Variants in ANKRD66 observed in about 807,000 individuals in gnomAD.
The protein encoded by ANKRD66 is ankyrin repeat domain-containing protein 66.
Under a neutral mutation model 10.9 loss-of-function variants are expected in ANKRD66, and 10 were observed. The ratio of observed to expected loss-of-function variants is 0.91; its 90% CI spans 0.56 to 1.55. The LOEUF (loss-of-function observed/expected upper bound fraction) is 1.55, where lower values mean the gene tolerates loss of function less well. Among genes scored for constraint, ANKRD66 ranks in the 40% most tolerant of loss-of-function variants. The pLI is 0.00. For missense variants in ANKRD66, 252 were observed against 242.9 expected (o/e 1.04, Z -0.25); for synonymous variants, 85 against 88.4 (o/e 0.96, Z 0.22).
At chr6:46,753,338 A>T (rs1766308223) in intron 3 of ANKRD66, among the ~76,000 whole-genome samples, 1 of 152,188 alleles carries the variant, frequency 6.6e-6, no homozygotes, top group Non-Finnish European at 1.5e-5. Context: ...AGGACTTAAA[A>T]TATTTGGTTT....
chr6:46,747,118 C>T (rs1766161004), intron 1 of ANKRD66, 128 bp downstream of exon 1: 2 of 828,834 alleles, frequency 2.4e-6, no homozygotes, highest in Admixed American at 6.2e-5. Context: ...GTGCCTCTAC[C>T]AGAAAGATAG....
chr6:46,752,250 T>G (rs571613055), intron 3 of ANKRD66, 139 bp downstream of exon 3: 263 of 1,069,098 alleles, frequency 2.5e-4, no homozygotes, highest in Admixed American at 2.9e-4. Context: ...TTTTTCTTTT[T>G]TTGAGACAGA....
At chr6:46,748,261 T>A (rs916047385) in intron 1 of ANKRD66, among the ~76,000 whole-genome samples, 2 of 152,224 alleles carry the variant, frequency 1.3e-5, no homozygotes, top group African/African-American at 4.8e-5. Context: ...TCCATATGAT[T>A]TTTTAGAATC....
intron 4 of ANKRD66, among the ~76,000 whole-genome samples, chr6:46,755,269 G>T (rs1766360839): frequency 6.6e-6 from 1 of 152,162 alleles, no homozygotes; most frequent in African/African-American, 2.4e-5. Context: ...TGTTCAGCTA[G>T]AGAAAATCCC....
At chr6:46,747,016 T>G in intron 1 of ANKRD66, 26 bp downstream of exon 1, 1 of 1,531,772 alleles carries the variant, frequency 6.5e-7, no homozygotes, top group Non-Finnish European at 8.7e-7. Flanking sequence ...TTACCCTCTC[T>G]TATTTACTAT....
chr6:46,751,420 T>A (rs1766265547), intron 2 of ANKRD66, among the ~76,000 whole-genome samples: 1 of 152,232 alleles, frequency 6.6e-6, no homozygotes, highest in Non-Finnish European at 1.5e-5. Context: ...TGATTGTGTG[T>A]CCATCTCAAC....
chr6:46,752,148 A>G, intron 3 of ANKRD66, 37 bp downstream of exon 3: 2 of 1,409,174 alleles, frequency 1.4e-6, no homozygotes, highest in Non-Finnish European at 1.9e-6. Flanking sequence ...TGCCCTTTTG[A>G]GTCCACCATT....
intron 4 of ANKRD66, among the ~76,000 whole-genome samples, chr6:46,754,884 T>C (rs188253628): frequency 5.3e-4 from 80 of 152,282 alleles, no homozygotes; most frequent in African/African-American, 1.9e-3. Flanking sequence ...GATTCACTTT[T>C]CCCAATTTCA....
chr6:46,752,933 T>C (rs953531306), intron 3 of ANKRD66, among the ~76,000 whole-genome samples: 6 of 152,272 alleles, frequency 3.9e-5, no homozygotes, highest in Non-Finnish European at 5.9e-5. Flanking sequence ...AAGAAAGTGC[T>C]ATGGTCAACT....
At chr6:46,751,638 AG>A (rs1372505093) in intron 2 of ANKRD66, among the ~76,000 whole-genome samples, 13 of 152,200 alleles carry the variant, frequency 8.5e-5, no homozygotes, top group Admixed American at 8.5e-4. Flanking sequence ...GAACACTACT[AG>A]AACTCTGAAG....
intron 1 of ANKRD66, among the ~76,000 whole-genome samples, chr6:46,749,555 C>T (rs7766750): frequency 1.9e-5 from 1 of 52,948 alleles, no homozygotes; most frequent in African/African-American, 8.4e-5. Flanking sequence ...TTTATTCCCC[C>T]CCCCCCCCCC....
intron 3 of ANKRD66, among the ~76,000 whole-genome samples, 157 bp downstream of exon 3, chr6:46,752,268 T>A (rs1331823235): frequency 6.6e-6 from 1 of 152,192 alleles, no homozygotes. Context: ...AGAGTCTCGC[T>A]CTGTCATCCA....
intron 1 of ANKRD66, among the ~76,000 whole-genome samples, chr6:46,747,656 T>A (rs1006180367): frequency 5.3e-5 from 8 of 152,248 alleles, no homozygotes; most frequent in African/African-American, 1.7e-4. Context: ...CAAATAAGAA[T>A]GCTTTATATG....
intron 4 of ANKRD66, 43 bp downstream of exon 4, chr6:46,753,993 A>G: frequency 4.0e-6 from 6 of 1,490,412 alleles, no homozygotes; most frequent in Non-Finnish European, 5.4e-6. Flanking sequence ...GCAGAGGAAC[A>G]GGAGTCTGTG....
intron 3 of ANKRD66, among the ~76,000 whole-genome samples, chr6:46,752,385 C>G (rs1210644562): frequency 6.6e-6 from 1 of 152,140 alleles, no homozygotes; most frequent in East Asian, 1.9e-4. Context: ...CAGGCATGTG[C>G]CACCACGACT....
chr6:46,758,877 C>T lies in ANKRD66; in HGVS notation c.547C>T (p.Arg183Ter), dbSNP rs533747983. The change falls in exon 5 of 5, where the codon CGA (arginine) becomes TGA (stop). Residue 183 changes from arginine to a stop codon, truncating the protein, a stop_gained. Transcript: ENST00000565422. LOFTEE classifies it low-confidence loss of function (END_TRUNC). ...QNMNKKNKKS[R>*]GPTRPSNTKG... The stretch of plus-strand genomic sequence containing the variant: ...CATGAATAAAAAGAATAAGAAAAGT[C>T]GAGGCCCCACCAGGCCCAGCAATAC... 7.1e-6 allele frequency: 11 copies of T among 1,551,440 alleles called. No individual in the cohort carries two copies. The highest frequency in any genetic ancestry group is 5.9e-5 in the Admixed American group (3 of 50,998).
At position 46,758,884 on chromosome 6, in the gene ANKRD66, C is replaced by T. The variant is rs778384973; in HGVS notation, c.554C>T (p.Pro185Leu). The T allele has an allele frequency of 6.3e-5, 98 of 1,551,296 alleles. No homozygotes were observed. In the East Asian group the frequency reaches 2.4e-3, roughly 38 times the overall value. ...MNKKNKKSRG[P>L]TRPSNTKGRR... ...AAAAAGAATAAGAAAAGTCGAGGCC[C>T]CACCAGGCCCAGCAATACCAAGGGG... The change falls in exon 5 of 5, where the codon CCC (proline) becomes CTC (leucine). Residue 185 changes from proline (P) to leucine (L), a missense_variant. Physicochemically the swap from Pro to Leu is moderately conservative, Grantham distance 98. Transcript: ENST00000565422.
chr6:46,749,915 T>C lies in ANKRD66; in HGVS notation c.-77T>C. On this transcript the variant is annotated 5_prime_UTR_variant, in exon 2 of 5. An upstream start codon of the reference 5' UTR is lost. Transcript: ENST00000565422. ...CTCCAGGGCTGTTCTCACATTTCAATGCACTCACCTGGAGGGCTTACCACA... is the reference window on the plus strand; with the variant it reads ...CTCCAGGGCTGTTCTCACATTTCAACGCACTCACCTGGAGGGCTTACCACA... The C allele has an allele frequency of 1.3e-6, 2 of 1,550,684 alleles. No homozygotes were observed. The highest frequency in any genetic ancestry group is 1.4e-5 in the African/African-American group (1 of 73,114).
At chr6:46,753,630 CT>C in intron 3 of ANKRD66, 91 bp from the exon 4 acceptor site, 2 of 1,268,986 alleles carry the variant, frequency 1.6e-6, no homozygotes, top group Non-Finnish European at 2.1e-6. Context: ...AAAGTTTCCC[CT>C]TCTATTGTGT....
Sources: allele counts gnomAD v4.1 joint callset (sites outside exome capture counted in the v4.1 genomes callset), GRCh38; gene constraint gnomAD v4.1.1; transcripts MANE v1.5; gene names NCBI Gene and HGNC (gene_info 2026-07-23, HGNC 2026-07-21).